Variants in RUNX1 observed in about 807,000 individuals in gnomAD.
RUNX1 encodes the protein runt-related transcription factor 1.
RUNX1 carries 19 observed loss-of-function variants against 42.8 expected under a neutral mutation model. The ratio of observed to expected loss-of-function variants is 0.44; its 90% CI spans 0.31 to 0.65. The LOEUF (loss-of-function observed/expected upper bound fraction) is 0.65, where lower values mean the gene tolerates loss of function less well. Ranked by LOEUF, RUNX1 falls within the 30% of genes least tolerant of loss-of-function variation. The pLI, the probability that RUNX1 is intolerant of heterozygous loss-of-function variation, is 0.07. For missense variants in RUNX1, 528 were observed against 672.0 expected, an observed-to-expected ratio of 0.79 and a Z score of 2.37; for synonymous variants, 271 against 289.4, an observed-to-expected ratio of 0.94 and a Z score of 0.64.
intron 2 of RUNX1, among the ~76,000 whole-genome samples, chr21:34,985,327 C>T (rs575724165): frequency 3.3e-5 from 5 of 152,282 alleles, no homozygotes; most frequent in Non-Finnish European, 5.9e-5. Context: ...TCAGGCCCAT[C>T]GGGGCAGAAC....
chr21:34,931,198 A>T (rs866251988), intron 2 of RUNX1, among the ~76,000 whole-genome samples: 2 of 152,176 alleles, frequency 1.3e-5, no homozygotes, highest in Middle Eastern at 3.4e-3. Context: ...TGTGCTGCCT[A>T]GAGGTGATTC....
intron 6 of RUNX1, among the ~76,000 whole-genome samples, chr21:34,835,869 G>C (rs1392739914): frequency 6.6e-6 from 1 of 152,158 alleles, no homozygotes; most frequent in Non-Finnish European, 1.5e-5. Flanking sequence ...CGCAGCCTGG[G>C]GTAAGAGCAG....
At chr21:34,878,984 T>A (rs2057856791) in intron 5 of RUNX1, among the ~76,000 whole-genome samples, 1 of 152,226 alleles carries the variant, frequency 6.6e-6, no homozygotes, top group South Asian at 2.1e-4. Context: ...AGAAAAGCAA[T>A]TCAATGATAC....
chr21:34,910,958 T>C (rs530309851), intron 2 of RUNX1, among the ~76,000 whole-genome samples: 123 of 152,216 alleles, frequency 8.1e-4, no homozygotes, highest in Non-Finnish European at 1.3e-3. Flanking sequence ...TTTTTAGACA[T>C]GAGGTCTCCT....
rs191807636 is a variant in RUNX1, at chr21:34,837,596, G to T, written c.614-2995C>A. ...CTGTGTTCAGTTAAAAGGCTCATTTGCCCCCCGAATGTTAAATAGAGGAGT... is the reference window on the plus strand; with the variant it reads ...CTGTGTTCAGTTAAAAGGCTCATTTTCCCCCCGAATGTTAAATAGAGGAGT... On this transcript the variant is annotated intron_variant, in intron 6 of 8. Transcript: ENST00000675419. 9.1e-4 allele frequency among the ~76,000 whole-genome samples: 139 copies of T among 152,190 alleles called. 1 individual carries two copies. Among genetic ancestry groups the T allele is most frequent in the African/African-American group, 2.9e-3 (122 of 41,510 alleles).
chr21:34,945,317 T>C (rs1400363201), intron 2 of RUNX1, among the ~76,000 whole-genome samples: 1 of 152,220 alleles, frequency 6.6e-6, no homozygotes, highest in African/African-American at 2.4e-5. Context: ...CGGGTCCATT[T>C]CTCTGTGCTT....
chr21:34,932,840 G>A (rs1001774209), intron 2 of RUNX1, among the ~76,000 whole-genome samples: 3 of 151,936 alleles, frequency 2.0e-5, no homozygotes, highest in South Asian at 2.1e-4. Flanking sequence ...CATTACCCCC[G>A]GCATTTCCCA....
At chr21:35,030,060 G>A (rs1280671856) in intron 2 of RUNX1, among the ~76,000 whole-genome samples, 2 of 152,174 alleles carry the variant, frequency 1.3e-5, no homozygotes, top group African/African-American at 4.8e-5. Context: ...AACCACTGGT[G>A]AGGCCGGGTG....
At chr21:34,879,293 T>C (rs1015180973) in intron 5 of RUNX1, among the ~76,000 whole-genome samples, 8 of 152,224 alleles carry the variant, frequency 5.3e-5, no homozygotes, top group African/African-American at 2.4e-5. Flanking sequence ...ATAATTTTCT[T>C]TGCATTACCC....
chr21:34,789,878 T>C lies in RUNX1; in HGVS notation c.*2257A>G. On this transcript the variant is annotated 3_prime_UTR_variant, in exon 9 of 9. Coordinates refer to ENST00000675419, the MANE Select transcript of RUNX1 (RefSeq NM_001754.5). ...ACAGAATTAAACTGAAAAACATAAT[T>C]TTTTCCTTCATTTTTCTCCAGCATT... The C allele has an allele frequency of 4.3e-6, 1 of 233,076 alleles. No individual in the cohort carries two copies. The highest frequency in any genetic ancestry group is 6.0e-5 in the East Asian group (1 of 16,572). 14.4% of individuals were successfully genotyped at this position (233,076 alleles called of 1,614,324 possible). A position where few individuals can be genotyped will look rare whatever the true frequency, so the allele number is the denominator to read the frequency against.
chr21:34,880,698 C>A lies in RUNX1; in HGVS notation c.367G>T (p.Asp123Tyr), dbSNP rs373498347. Residue 123 changes from aspartate to tyrosine, a missense_variant, in exon 5 of 9, where the codon GAT (aspartate) becomes TAT (tyrosine). Physicochemically the swap from Asp to Tyr is radical, Grantham distance 160. Coordinates refer to ENST00000675419, the MANE Select transcript of RUNX1 (RefSeq NM_001754.5). ...PIAFKVVALG[D>Y]VPDGTLVTVM... ...GTGACCAGAGTGCCATCTGGAACATCCCCTAGGGCCACCACCTAAACACCA... is the reference window on the plus strand; with the variant it reads ...GTGACCAGAGTGCCATCTGGAACATACCCTAGGGCCACCACCTAAACACCA... 4.3e-6 allele frequency: 7 copies of A among 1,614,092 alleles called. No individual in the cohort carries two copies. The highest frequency in any genetic ancestry group is 5.9e-6 in the Non-Finnish European group (7 of 1,179,990).
chr21:34,798,444 T>A (rs1422585546), intron 8 of RUNX1, among the ~76,000 whole-genome samples: 2 of 152,224 alleles, frequency 1.3e-5, no homozygotes, highest in Non-Finnish European at 2.9e-5. Context: ...TGAGCTCATA[T>A]TAACAACAAT....
chr21:34,808,394 C>G (rs1255453409), intron 7 of RUNX1, among the ~76,000 whole-genome samples: 1 of 152,100 alleles, frequency 6.6e-6, no homozygotes, highest in East Asian at 1.9e-4. Flanking sequence ...AAGAAGGGAG[C>G]CCTGTGTCCG....
chr21:34,887,600 C>G, intron 3 of RUNX1: 2 of 1,089,956 alleles, frequency 1.8e-6, no homozygotes, highest in Non-Finnish European at 2.2e-6. Flanking sequence ...AATTATCTCC[C>G]GTAACAAGGC....
intron 5 of RUNX1, among the ~76,000 whole-genome samples, chr21:34,867,600 G>A (rs2057680901): frequency 6.6e-6 from 1 of 152,172 alleles, no homozygotes. Flanking sequence ...GGAGTGGAGG[G>A]GCGGGCCTCT....
At chr21:34,961,422 C>A (rs141848527) in intron 2 of RUNX1, among the ~76,000 whole-genome samples, 1 of 151,930 alleles carries the variant, frequency 6.6e-6, no homozygotes, top group Non-Finnish European at 1.5e-5. Flanking sequence ...GACATTCATA[C>A]GTTTTCTAAA....
In RUNX1 at chr21:34,980,584, T is replaced by A. The variant is rs1434863863; in HGVS notation, c.58+68258A>T. Among the ~76,000 whole-genome samples, 3 of 152,342 alleles carry A rather than the reference T, an allele frequency of 2.0e-5. No homozygotes were observed. The East Asian group carries it at 5.8e-4, about 29-fold the overall frequency. ...AAAAATCAGTTGTTTGGATTTTCAT[T>A]TCTGCTGAGTGTTCTCTTTTAAAAT... On this transcript the variant is annotated intron_variant, in intron 2 of 8. Coordinates refer to ENST00000675419, the MANE Select transcript of RUNX1 (RefSeq NM_001754.5).
intron 2 of RUNX1, among the ~76,000 whole-genome samples, chr21:34,946,355 G>A (rs149989388): frequency 1.3e-5 from 2 of 152,092 alleles, no homozygotes; most frequent in African/African-American, 2.4e-5. Flanking sequence ...CATGGGCTTG[G>A]GGGGAGGTTC....
chr21:34,830,520 C>T (rs145888307), intron 7 of RUNX1, among the ~76,000 whole-genome samples: 1 of 152,234 alleles, frequency 6.6e-6, no homozygotes, highest in Non-Finnish European at 1.5e-5. Context: ...TTTTTCCATC[C>T]CTCCTTTGGT....
Sources: gnomAD v4.1 joint callset for allele counts (sites outside exome capture counted in the v4.1 genomes callset) on GRCh38, gnomAD v4.1.1 for gene constraint, MANE v1.5 for transcripts, NCBI Gene and HGNC (gene_info 2026-07-23, HGNC 2026-07-21) for gene names.